Variants in SLC38A9 observed in about 807,000 individuals in gnomAD.
The protein encoded by SLC38A9 is neutral amino acid transporter 9.
SLC38A9 carries 48 observed loss-of-function variants against 62.3 expected under a neutral mutation model. That is an observed-to-expected ratio of 0.77 (90% CI 0.61 to 0.98). The LOEUF (loss-of-function observed/expected upper bound fraction) is 0.98, where lower values mean the gene tolerates loss of function less well. SLC38A9 is among the 50% of genes least tolerant of loss of function. The pLI, the probability that SLC38A9 is intolerant of heterozygous loss-of-function variation, is 0.00. For synonymous variants in SLC38A9, 204 were observed against 227.7 expected, an observed-to-expected ratio of 0.90 and a Z score of 0.94; for missense variants, 541 against 679.8, an observed-to-expected ratio of 0.80 and a Z score of 2.27.
Position 55,637,520 on chromosome 5 carries a change from C to T in SLC38A9, c.1168-1863G>A, listed in dbSNP as rs577450111. Among the ~76,000 whole-genome samples, 7 of 152,256 alleles carry T rather than the reference C, an allele frequency of 4.6e-5. No individual in the cohort carries two copies. The South Asian group carries it at 1.5e-3, about 32-fold the overall frequency. ...CCTAAAATAGCCAAGGTTAATAGTT[C>T]TTGCATCATGTTGGTATTTTTTCTT... On this transcript the variant is annotated intron_variant, in intron 12 of 15. Transcript: ENST00000396865.
intron 14 of SLC38A9, among the ~76,000 whole-genome samples, chr5:55,631,077 G>A (rs183715350): frequency 1.1e-4 from 17 of 152,284 alleles, no homozygotes; most frequent in Admixed American, 8.5e-4. Flanking sequence ...GGGTTGCAGT[G>A]AGCCAAGATC....
chr5:55,707,824 T>G (rs1020116709), intron 2 of SLC38A9, among the ~76,000 whole-genome samples: 1 of 152,324 alleles, frequency 6.6e-6, no homozygotes, highest in South Asian at 2.1e-4. Flanking sequence ...TGGAGGTAAT[T>G]ATGTCAGGAA....
intron 9 of SLC38A9, 70 bp from the exon 10 acceptor site, chr5:55,652,793 A>ATGAC: frequency 7.6e-7 from 1 of 1,319,230 alleles, no homozygotes; most frequent in Non-Finnish European, 1.0e-6. Context: ...AAAACAGAAA[A>ATGAC]TGACTGCCTC....
At chr5:55,689,959 T>G (rs1754491084) in intron 3 of SLC38A9, among the ~76,000 whole-genome samples, 1 of 151,852 alleles carries the variant, frequency 6.6e-6, no homozygotes, top group Non-Finnish European at 1.5e-5. Context: ...TAGAACAGAT[T>G]GATCTAGGAA....
At chr5:55,633,049 C>G (rs953782853) in intron 14 of SLC38A9, among the ~76,000 whole-genome samples, 8 of 151,730 alleles carry the variant, frequency 5.3e-5, no homozygotes, top group Admixed American at 4.6e-4. Flanking sequence ...CACTGTATCA[C>G]CCAGAGCAGT....
intron 13 of SLC38A9, chr5:55,634,541 T>C (rs1444259879): frequency 1.3e-5 from 2 of 152,210 alleles, no homozygotes; most frequent in Non-Finnish European, 2.9e-5. Flanking sequence ...ATACCACAAA[T>C]ATTCCTATTC....
intron 14 of SLC38A9, among the ~76,000 whole-genome samples, chr5:55,631,387 C>A (rs1480908668): frequency 3.9e-5 from 6 of 151,904 alleles, no homozygotes; most frequent in Admixed American, 3.9e-4. Flanking sequence ...AAATCTCTGA[C>A]TTTTTCCAAG....
chr5:55,694,705 C>T (rs1288956389), intron 3 of SLC38A9, among the ~76,000 whole-genome samples: 4 of 144,530 alleles, frequency 2.8e-5, no homozygotes, highest in Non-Finnish European at 6.1e-5. Flanking sequence ...CCTTCCCTTC[C>T]CCTCCCCTCC....
At chr5:55,689,192 T>A (rs980186174) in intron 3 of SLC38A9, among the ~76,000 whole-genome samples, 6 of 152,210 alleles carry the variant, frequency 3.9e-5, no homozygotes, top group Non-Finnish European at 8.8e-5. Context: ...AACCAGGGCT[T>A]TTTATAAGTA....
chr5:55,643,608 T>C (rs1745792709), intron 12 of SLC38A9, among the ~76,000 whole-genome samples: 1 of 152,232 alleles, frequency 6.6e-6, no homozygotes, highest in Non-Finnish European at 1.5e-5. Flanking sequence ...GTTCTATCAA[T>C]TACTTGAAGG....
chr5:55,675,229 C>T (rs1751920046), intron 3 of SLC38A9: 1 of 152,236 alleles, frequency 6.6e-6, no homozygotes, highest in South Asian at 2.1e-4. Context: ...TGGTTTCTTA[C>T]AGAAGTGTTA....
intron 2 of SLC38A9, among the ~76,000 whole-genome samples, chr5:55,706,347 G>GT (rs1242382972): frequency 2.0e-5 from 3 of 152,224 alleles, no homozygotes; most frequent in Non-Finnish European, 4.4e-5. Context: ...AACTGAGAAT[G>GT]TGGGTGAGTT....
intron 3 of SLC38A9, among the ~76,000 whole-genome samples, chr5:55,673,780 C>T (rs1227944922): frequency 3.4e-5 from 5 of 148,770 alleles, no homozygotes; most frequent in African/African-American, 7.5e-5. Context: ...GGTGCGATCT[C>T]GGCTCACTGC....
chr5:55,678,660 T>TG lies in SLC38A9; in HGVS notation c.114-5966_114-5965insC, dbSNP rs1752570585. Among the ~76,000 whole-genome samples the TG allele has an allele frequency of 3.8e-5, 5 of 132,864 alleles. 1 individual carries two copies. The highest frequency in any genetic ancestry group is 7.4e-5 in the Admixed American group (1 of 13,466). The allele number at this position is 132,864 out of a possible 152,430, so 87.2% of individuals were successfully genotyped here. The stretch of plus-strand genomic sequence containing the variant: ...CTGAAATGAACTTTTTTTTTTTTTT[T>TG]TTTTTTTTTTTTTTGAGACAGGGTC... On this transcript the variant is annotated intron_variant, in intron 3 of 15. Transcript: ENST00000396865.
intron 9 of SLC38A9, among the ~76,000 whole-genome samples, chr5:55,655,574 A>G (rs1748257682): frequency 6.6e-6 from 1 of 152,238 alleles, no homozygotes. Context: ...ATTTTCTAGC[A>G]TTAACAAAAG....
At chr5:55,641,415 T>C (rs573154690) in intron 12 of SLC38A9, among the ~76,000 whole-genome samples, 1 of 152,368 alleles carries the variant, frequency 6.6e-6, no homozygotes, top group South Asian at 2.1e-4. Flanking sequence ...TCTGACAATG[T>C]CAATTCCTCT....
At chr5:55,653,258 C>T (rs569081711) in intron 9 of SLC38A9, among the ~76,000 whole-genome samples, 97 of 152,228 alleles carry the variant, frequency 6.4e-4, no homozygotes, top group African/African-American at 2.1e-3. Context: ...TGAGCTACTG[C>T]GCCCAGCCCT....
At chr5:55,653,249 G>T (rs2408029) in intron 9 of SLC38A9, among the ~76,000 whole-genome samples, 83,034 of 152,016 alleles carry the variant, frequency 0.55, 24,035 homozygotes, top group South Asian at 0.65. Flanking sequence ...TTACAGGCGT[G>T]AGCTACTGCG....
chr5:55,661,276 C>G (rs1749476441), intron 8 of SLC38A9, among the ~76,000 whole-genome samples: 1 of 151,682 alleles, frequency 6.6e-6, no homozygotes, highest in South Asian at 2.1e-4. Context: ...AACTCCGTCT[C>G]TACTAAAAAT....
Sources: allele counts gnomAD v4.1 joint callset (sites outside exome capture counted in the v4.1 genomes callset), GRCh38; gene constraint gnomAD v4.1.1; transcripts MANE v1.5; gene names NCBI Gene and HGNC (gene_info 2026-07-23, HGNC 2026-07-21).